DMD: variants seen among roughly 807,000 people sequenced by gnomAD.
DMD encodes the protein dystrophin, also known as mutant dystrophin.
A neutral mutation model predicts 330.1 loss-of-function variants in DMD; 63 were observed. The observed-to-expected ratio is 0.19, with a 90% CI of 0.16 to 0.24. The LOEUF (loss-of-function observed/expected upper bound fraction) is 0.24. DMD is among the 10% of genes least tolerant of loss of function. The pLI, the probability that DMD is intolerant of heterozygous loss-of-function variation, is 1.00. For missense variants in DMD, 3,344 were observed against 2,684.1 expected (o/e 1.25, Z -5.43); for synonymous variants, 1,223 against 959.8 (o/e 1.27, Z -5.07).
chrX:32,170,034 A>G (rs2096881990), intron 44 of DMD, among the ~76,000 whole-genome samples: 1 of 111,881 alleles, frequency 8.9e-6, no homozygotes, highest in Non-Finnish European at 1.9e-5. Flanking sequence ...TTTTCCACAT[A>G]ATCTGTGCTT....
At chrX:32,027,164 G>GCGCACACACACACACATA (rs1557075784) in intron 44 of DMD, among the ~76,000 whole-genome samples, 6 of 89,516 alleles carry the variant, frequency 6.7e-5, no homozygotes, top group African/African-American at 2.6e-4. Context: ...ACACGCACGT[G>GCGCACACACACACACATA]CACACACACA....
chrX:33,291,360 C>G lies in DMD; in HGVS notation c.7+47899G>C, dbSNP rs1205334714. Among the ~76,000 whole-genome samples, 3 of 110,968 alleles carry G rather than the reference C, an allele frequency of 2.7e-5. No homozygotes were observed. The East Asian group carries it at 8.5e-4, about 32-fold the overall frequency. ...AAAACCCGCACAAGACAAGGATGCC[C>G]TCGCTCACCACTCCTATTCAACATA... is the stretch of plus-strand genomic sequence containing the variant. On this transcript the variant is annotated intron_variant, in intron 1 of 17. Coordinates refer to the DMD transcript ENST00000288447.
intron 44 of DMD, among the ~76,000 whole-genome samples, chrX:32,002,108 G>A (rs964602380): frequency 9.0e-5 from 10 of 111,503 alleles, no homozygotes; most frequent in Non-Finnish European, 3.8e-5. Context: ...AGAATGCAAC[G>A]CACAACTGTT....
intron 21 of DMD, among the ~76,000 whole-genome samples, chrX:32,475,881 TCTGA>T (rs2041186919): frequency 9.0e-6 from 1 of 111,020 alleles, no homozygotes; most frequent in African/African-American, 3.3e-5. Context: ...CTTTCTCTTG[TCTGA>T]CTGCTCTGGC....
At chrX:31,177,483 A>G (rs1199367148) in intron 71 of DMD, among the ~76,000 whole-genome samples, 1 of 111,884 alleles carries the variant, frequency 8.9e-6, no homozygotes, top group Non-Finnish European at 1.9e-5. Context: ...AATTCTGCTG[A>G]TTTTTAATAG....
intron 54 of DMD, among the ~76,000 whole-genome samples, chrX:31,640,282 A>G (rs2079654863): frequency 8.9e-6 from 1 of 112,267 alleles, no homozygotes; most frequent in South Asian, 3.7e-4. Context: ...TCTCCTAGGG[A>G]ATACGTTTAC....
intron 19 of DMD, among the ~76,000 whole-genome samples, chrX:32,493,849 C>T (rs2148649687): frequency 9.0e-6 from 1 of 110,958 alleles, no homozygotes; most frequent in Non-Finnish European, 1.9e-5. Flanking sequence ...CTTGAACAAG[C>T]AGTTAGAAGT....
intron 50 of DMD, among the ~76,000 whole-genome samples, chrX:31,813,490 A>G (rs1351995567): frequency 1.8e-5 from 2 of 111,746 alleles, no homozygotes; most frequent in African/African-American, 3.3e-5. Context: ...TTCCCTGCAC[A>G]TGCTCTCTTG....
At chrX:32,835,084 C>T (rs1403851952) in intron 4 of DMD, among the ~76,000 whole-genome samples, 1 of 111,380 alleles carries the variant, frequency 9.0e-6, no homozygotes, top group Non-Finnish European at 1.9e-5. Flanking sequence ...ATTAAAAGTG[C>T]AAATATCTAA....
chrX:31,349,277 A>C (rs1451153127), intron 60 of DMD, among the ~76,000 whole-genome samples: 3 of 112,239 alleles, frequency 2.7e-5, no homozygotes, highest in Non-Finnish European at 5.6e-5. Context: ...ACCCGTCTCT[A>C]CTAGAAATAC....
chrX:31,616,780 A>G (rs1210629646), intron 55 of DMD, among the ~76,000 whole-genome samples: 2 of 111,781 alleles, frequency 1.8e-5, no homozygotes, highest in Non-Finnish European at 3.8e-5. Context: ...AGGGTAAAAA[A>G]TAGTAAGAGT....
chrX:32,906,621 A>C (rs188410629), intron 2 of DMD, among the ~76,000 whole-genome samples: 2 of 111,948 alleles, frequency 1.8e-5, no homozygotes, highest in African/African-American at 6.5e-5. Context: ...ATGTAGGTCA[A>C]GGTTAAAAGG....
intron 2 of DMD, among the ~76,000 whole-genome samples, chrX:32,948,768 C>A (rs955948000): frequency 9.0e-6 from 1 of 111,533 alleles, no homozygotes; most frequent in African/African-American, 3.3e-5. Context: ...TTATCTCTTA[C>A]TTTGCTATTT....
intron 7 of DMD, among the ~76,000 whole-genome samples, chrX:32,772,008 A>C (rs777457568): frequency 8.9e-6 from 1 of 112,300 alleles, no homozygotes; most frequent in East Asian, 2.8e-4. Flanking sequence ...TTCAAGGAGT[A>C]ATAGAAGGAA....
intron 13 of DMD, among the ~76,000 whole-genome samples, chrX:32,580,339 A>G (rs1159993438): frequency 2.7e-5 from 3 of 112,173 alleles, no homozygotes; most frequent in East Asian, 5.6e-4. Flanking sequence ...TTGTCTTAGA[A>G]CCATCTTTTT....
intron 2 of DMD, among the ~76,000 whole-genome samples, chrX:32,951,416 T>C (rs976977086): frequency 5.3e-5 from 6 of 112,282 alleles, no homozygotes; most frequent in Admixed American, 9.4e-5. Context: ...AATGTCCCTC[T>C]ACCTTATGAT....
intron 2 of DMD, among the ~76,000 whole-genome samples, chrX:32,960,622 C>A (rs767698312): frequency 9.0e-5 from 10 of 111,374 alleles, no homozygotes; most frequent in East Asian, 8.5e-4. Flanking sequence ...CAAACTCATT[C>A]TCTCATTCTC....
At chrX:33,248,108 C>T (rs1230678543) in intron 1 of DMD, among the ~76,000 whole-genome samples, 1 of 111,303 alleles carries the variant, frequency 9.0e-6, no homozygotes, top group Non-Finnish European at 1.9e-5. Context: ...GTGGCGCGAT[C>T]TCAGCTCACT....
At chrX:31,324,594 A>G (rs892636210) in intron 61 of DMD, among the ~76,000 whole-genome samples, 1 of 111,460 alleles carries the variant, frequency 9.0e-6, no homozygotes, top group African/African-American at 3.3e-5. Context: ...AGCTTTAAGA[A>G]ACACAGAATA....
Sources: allele counts gnomAD v4.1 joint callset (sites outside exome capture counted in the v4.1 genomes callset), GRCh38; gene constraint gnomAD v4.1.1; transcripts MANE v1.5; gene names NCBI Gene and HGNC (gene_info 2026-07-23, HGNC 2026-07-21).